The following UBTD2 variants were observed in gnomAD, a reference collection of about 807,000 sequenced individuals.
UBTD2 encodes ubiquitin domain-containing protein 2.
Under a neutral mutation model 19.8 loss-of-function variants are expected in UBTD2, and 9 were observed. The ratio of observed to expected loss-of-function variants is 0.46; its 90% CI spans 0.27 to 0.79. UBTD2 has a LOEUF of 0.79. Among genes scored for constraint, UBTD2 ranks in the 30% least tolerant of loss-of-function variants. The pLI, the probability that UBTD2 is intolerant of heterozygous loss-of-function variation, is 0.14. For missense variants in UBTD2, 250 were observed against 300.4 expected, an observed-to-expected ratio of 0.83 and a Z score of 1.24; for synonymous variants, 98 against 103.9, an observed-to-expected ratio of 0.94 and a Z score of 0.35.
At chr5:172,233,529 A>C (rs1211530136) in intron 2 of UBTD2, among the ~76,000 whole-genome samples, 1 of 152,198 alleles carries the variant, frequency 6.6e-6, no homozygotes, top group Non-Finnish European at 1.5e-5. Flanking sequence ...TATCCTTAAA[A>C]GAGTCACATT....
chr5:172,252,401 AG>A (rs1755042849), intron 1 of UBTD2: 1 of 152,228 alleles, frequency 6.6e-6, no homozygotes. Flanking sequence ...CATGATGCCC[AG>A]GGGACTGAAG....
intron 1 of UBTD2, among the ~76,000 whole-genome samples, chr5:172,252,949 A>G (rs148184218): frequency 5.0e-4 from 76 of 152,332 alleles, no homozygotes; most frequent in Middle Eastern, 3.4e-3. Flanking sequence ...TTTGAAGCAA[A>G]CAGAAAAAAA....
chr5:172,281,193 G>A (rs1755707367), intron 1 of UBTD2, among the ~76,000 whole-genome samples: 1 of 152,116 alleles, frequency 6.6e-6, no homozygotes, highest in Non-Finnish European at 1.5e-5. Context: ...GAGCCACCCC[G>A]CCTGGTTGGT....
At chr5:172,276,559 G>GT (rs1174073768) in intron 1 of UBTD2, among the ~76,000 whole-genome samples, 2 of 152,152 alleles carry the variant, frequency 1.3e-5, no homozygotes, top group Non-Finnish European at 2.9e-5. Flanking sequence ...TGTACTATCA[G>GT]TTTACAAACT....
chr5:172,263,453 CAT>C (rs1051443764), intron 1 of UBTD2, among the ~76,000 whole-genome samples: 3 of 152,092 alleles, frequency 2.0e-5, no homozygotes, highest in Admixed American at 6.5e-5. Flanking sequence ...AAGGCATAAA[CAT>C]ATGTTATAAA....
At chr5:172,235,029 T>C (rs762341824) in intron 1 of UBTD2, among the ~76,000 whole-genome samples, 12 of 152,170 alleles carry the variant, frequency 7.9e-5, no homozygotes, top group East Asian at 1.9e-4. Flanking sequence ...TGGGAGTACA[T>C]AGGAAATCTC....
intron 1 of UBTD2, among the ~76,000 whole-genome samples, chr5:172,271,784 A>G (rs1256617149): frequency 6.6e-6 from 1 of 151,962 alleles, no homozygotes; most frequent in East Asian, 1.9e-4. Flanking sequence ...TTGTTACTCC[A>G]CTCCTTTGGT....
At chr5:172,280,992 A>C (rs191738029) in intron 1 of UBTD2, among the ~76,000 whole-genome samples, 238 of 152,340 alleles carry the variant, frequency 1.6e-3, no homozygotes, top group African/African-American at 4.9e-3. Context: ...TTTTCTTACT[A>C]AGGCTGGCTG....
chr5:172,255,276 C>T, intron 1 of UBTD2: 1 of 451,214 alleles, frequency 2.2e-6, no homozygotes, highest in Non-Finnish European at 4.5e-6. Context: ...TTCCATGCCA[C>T]AGGCCTTCTA....
chr5:172,233,417 A>G (rs1771943857), intron 2 of UBTD2, among the ~76,000 whole-genome samples: 1 of 139,856 alleles, frequency 7.2e-6, no homozygotes, highest in South Asian at 2.4e-4. Flanking sequence ...CTAAATCTCA[A>G]TGTAGCATGA....
chr5:172,283,500 C>T lies in UBTD2; in HGVS notation c.70+96G>A. On this transcript the variant is annotated intron_variant, in intron 1 of 2. Coordinates refer to ENST00000393792, the MANE Select transcript of UBTD2 (RefSeq NM_152277.3). This position sits in a 1 kb window ranked among gnomAD's most constrained non-coding sequence, Gnocchi z 4.3. ...CGTGGAAGAGGGGATGACAAAGGGG[C>T]GCGGGGGCCCGGCGCGGCCCGCGGG... The T allele has an allele frequency of 1.0e-6, 1 of 979,572 alleles. No individual in the cohort carries two copies. The highest frequency in any genetic ancestry group is 4.5e-5 in the South Asian group (1 of 22,242). The allele number at this position is 979,572 out of a possible 1,614,324, so 60.7% of individuals were successfully genotyped here.
At chr5:172,232,747 G>A (rs541197206) in intron 2 of UBTD2, among the ~76,000 whole-genome samples, 1 of 152,228 alleles carries the variant, frequency 6.6e-6, no homozygotes, top group African/African-American at 2.4e-5. Flanking sequence ...AGCCAGGCAT[G>A]GTGATGCGTG....
chr5:172,250,314 GTTAAC>G (rs1754975385), intron 1 of UBTD2, among the ~76,000 whole-genome samples: 1 of 152,156 alleles, frequency 6.6e-6, no homozygotes, highest in Non-Finnish European at 1.5e-5. Flanking sequence ...AGGAAAAATA[GTTAAC>G]TTTACAGTGA....
chr5:172,244,709 G>C (rs951693768), intron 1 of UBTD2, among the ~76,000 whole-genome samples: 2 of 152,012 alleles, frequency 1.3e-5, no homozygotes, highest in Non-Finnish European at 2.9e-5. Flanking sequence ...TGCGAAGTGA[G>C]GGAAGAAATC....
At chr5:172,221,886 T>C (rs967946938) in intron 2 of UBTD2, among the ~76,000 whole-genome samples, 3 of 152,310 alleles carry the variant, frequency 2.0e-5, no homozygotes, top group Non-Finnish European at 4.4e-5. Context: ...GGTTCATTTA[T>C]TTTTAACAAA....
chr5:172,263,311 G>A (rs1397019942), intron 1 of UBTD2, among the ~76,000 whole-genome samples: 1 of 152,174 alleles, frequency 6.6e-6, no homozygotes, highest in African/African-American at 2.4e-5. Flanking sequence ...ATGTCACTAG[G>A]TGTATTCAGG....
chr5:172,263,061 C>A (rs1187087294), intron 1 of UBTD2, among the ~76,000 whole-genome samples: 1 of 151,998 alleles, frequency 6.6e-6, no homozygotes, highest in Non-Finnish European at 1.5e-5. Flanking sequence ...CCTCAGCCCC[C>A]CAAGTAGCTG....
intron 2 of UBTD2, among the ~76,000 whole-genome samples, chr5:172,230,332 TA>T (rs949042632): frequency 4.0e-5 from 6 of 149,956 alleles, no homozygotes; most frequent in Admixed American, 2.0e-4. Context: ...CGTCTCAAAG[TA>T]AAAAAAAGGT....
At chr5:172,279,322 C>T (rs556532785) in intron 1 of UBTD2, among the ~76,000 whole-genome samples, 3 of 152,324 alleles carry the variant, frequency 2.0e-5, no homozygotes, top group South Asian at 4.1e-4. Flanking sequence ...AACAGAGATA[C>T]TATCCACCTC....
Sources: allele counts gnomAD v4.1 joint callset (sites outside exome capture counted in the v4.1 genomes callset), GRCh38; gene constraint gnomAD v4.1.1; non-coding constraint Gnocchi (gnomAD v3.1); transcripts MANE v1.5; gene names NCBI Gene and HGNC (gene_info 2026-07-23, HGNC 2026-07-21).